The following ZNF469 variants were observed in gnomAD, a reference collection of about 807,000 sequenced individuals.
ZNF469 encodes zinc finger protein 469.
A neutral mutation model predicts 1.0 loss-of-function variants in ZNF469; 1 was observed. The ratio of observed to expected loss-of-function variants is 1.00; its 90% CI spans 0.35 to 4.73. ZNF469 has a LOEUF of 4.73. Among genes scored for constraint, ZNF469 ranks in the 30% most tolerant of loss-of-function variants. The pLI, the probability that ZNF469 is intolerant of heterozygous loss-of-function variation, is 0.16. For missense variants in ZNF469, 6,100 were observed against 5,356.3 expected (o/e 1.14, Z -4.33); for synonymous variants, 2,703 against 2,363.4 (o/e 1.14, Z -4.17).
the ZNF469 span, among the ~76,000 whole-genome samples, chr16:88,255,749 T>C: frequency 3.3e-4 from 51 of 152,364 alleles, no homozygotes; most frequent in South Asian, 2.1e-3. Flanking sequence ...AGGAGTGCTC[T>C]GTCTTACAGA....
At chr16:88,107,178 C>A in the ZNF469 span, among the ~76,000 whole-genome samples, 1 of 152,188 alleles carries the variant, frequency 6.6e-6, no homozygotes, top group African/African-American at 2.4e-5. Context: ...CCCTGATCCC[C>A]AAAACCTGTG....
chr16:88,281,889 A>T, the ZNF469 span, among the ~76,000 whole-genome samples: 1 of 152,384 alleles, frequency 6.6e-6, no homozygotes, highest in Admixed American at 6.5e-5. Flanking sequence ...GTGCTGTGCC[A>T]CACTGATGCT....
the ZNF469 span, among the ~76,000 whole-genome samples, chr16:88,129,647 AT>A: frequency 6.6e-6 from 1 of 152,132 alleles, no homozygotes; most frequent in African/African-American, 2.4e-5. Context: ...TGAGCCCAAG[AT>A]TTTGAGACCA....
At chr16:88,366,293 CCAT>C in the ZNF469 span, among the ~76,000 whole-genome samples, 35 of 151,468 alleles carry the variant, frequency 2.3e-4, no homozygotes, top group Middle Eastern at 3.5e-3. Flanking sequence ...ACCACCACCA[CCAT>C]CATCACCATC....
intron 1 of ZNF469, among the ~76,000 whole-genome samples, chr16:88,384,031 CGG>C (rs976443341): frequency 6.6e-6 from 1 of 152,128 alleles, no homozygotes; most frequent in African/African-American, 2.4e-5. Context: ...AGGTCCCCGG[CGG>C]GGGCGGGGGG....
chr16:88,334,324 T>C, the ZNF469 span, among the ~76,000 whole-genome samples: 1 of 152,194 alleles, frequency 6.6e-6, no homozygotes, highest in African/African-American at 2.4e-5. Context: ...ACAACAACAA[T>C]CTTACCTGAA....
chr16:88,222,255 A>C, the ZNF469 span, among the ~76,000 whole-genome samples: 1 of 152,210 alleles, frequency 6.6e-6, no homozygotes, highest in Non-Finnish European at 1.5e-5. Flanking sequence ...CCCAGAGCTC[A>C]CAGCCTGGAT....
chr16:88,329,458 G>A, the ZNF469 span, among the ~76,000 whole-genome samples: 3 of 152,218 alleles, frequency 2.0e-5, no homozygotes, highest in Admixed American at 1.3e-4. Context: ...AGCCAAGCAG[G>A]GGCTGGGGGC....
At chr16:88,134,173 T>C in the ZNF469 span, among the ~76,000 whole-genome samples, 1 of 152,242 alleles carries the variant, frequency 6.6e-6, no homozygotes. Context: ...ATCATCTTTC[T>C]GAATGTATTG....
At chr16:88,410,880 G>A (rs924641054) in intron 1 of ZNF469, among the ~76,000 whole-genome samples, 1 of 152,112 alleles carries the variant, frequency 6.6e-6, no homozygotes, top group Non-Finnish European at 1.5e-5. Context: ...TCCTGCTCAG[G>A]CCCCTGGAGA....
At chr16:88,219,826 C>G in the ZNF469 span, among the ~76,000 whole-genome samples, 1 of 152,164 alleles carries the variant, frequency 6.6e-6, no homozygotes, top group Admixed American at 6.5e-5. Flanking sequence ...AAGTCTCCAC[C>G]AAGAGCTCAG....
the ZNF469 span, among the ~76,000 whole-genome samples, chr16:88,333,787 G>A: frequency 5.3e-5 from 8 of 150,976 alleles, no homozygotes; most frequent in Admixed American, 1.3e-4. Context: ...ACCAAGAACC[G>A]GAGCACTTCA....
chr16:88,380,246 A>AC (rs2092517535), upstream of ZNF469, among the ~76,000 whole-genome samples: 1 of 108,522 alleles, frequency 9.2e-6, no homozygotes, highest in Non-Finnish European at 2.0e-5. Flanking sequence ...CTCACACACA[A>AC]ATGCACTCAC....
At chr16:88,385,233 G>T (rs2092534454) in intron 1 of ZNF469, among the ~76,000 whole-genome samples, 1 of 152,066 alleles carries the variant, frequency 6.6e-6, no homozygotes, top group Admixed American at 6.5e-5. Context: ...TTCTCCTGGA[G>T]TCTTGTCACC....
At chr16:88,271,681 A>G in the ZNF469 span, among the ~76,000 whole-genome samples, 1 of 150,366 alleles carries the variant, frequency 6.7e-6, no homozygotes, top group Non-Finnish European at 1.5e-5. Flanking sequence ...GAGGCAGGGG[A>G]GCTGAGTCAC....
At chr16:88,279,214 AC>A in the ZNF469 span, among the ~76,000 whole-genome samples, 15 of 135,510 alleles carry the variant, frequency 1.1e-4, no homozygotes, top group Non-Finnish European at 1.7e-4. Flanking sequence ...CTCGGTCAGT[AC>A]CTTGTAGATA....
the ZNF469 span, among the ~76,000 whole-genome samples, chr16:88,260,416 G>T: frequency 6.6e-6 from 1 of 152,210 alleles, no homozygotes; most frequent in Admixed American, 6.5e-5. This position sits in a 1 kb window ranked among gnomAD's most constrained non-coding sequence, Gnocchi z 4.1. Flanking sequence ...CCCTGGCCAC[G>T]GTTGCATCTC....
intron 1 of ZNF469, among the ~76,000 whole-genome samples, chr16:88,413,740 G>T (rs80287397): frequency 0.058 from 8,770 of 152,268 alleles, 292 homozygotes; most frequent in South Asian, 0.07. Context: ...GGTCCGGAGG[G>T]TGCAGGACCC....
chr16:88,244,280 G>A, the ZNF469 span, among the ~76,000 whole-genome samples: 2 of 151,660 alleles, frequency 1.3e-5, no homozygotes, highest in Non-Finnish European at 1.5e-5. Context: ...TGAATGGATG[G>A]ATGGATGAAT....
Sources: gnomAD v4.1 joint callset for allele counts (sites outside exome capture counted in the v4.1 genomes callset) on GRCh38, gnomAD v4.1.1 for gene constraint, Gnocchi (gnomAD v3.1) non-coding constraint, MANE v1.5 for transcripts, NCBI Gene and HGNC (gene_info 2026-07-23, HGNC 2026-07-21) for gene names.